Variants in ESR2 observed in about 807,000 individuals in gnomAD.
The protein encoded by ESR2 is estrogen receptor 2.
ESR2 carries 36 observed loss-of-function variants against 49.6 expected under a neutral mutation model. The ratio of observed to expected loss-of-function variants is 0.73; its 90% CI spans 0.56 to 0.96. The LOEUF (loss-of-function observed/expected upper bound fraction) is 0.96. ESR2 is among the 40% of genes least tolerant of loss of function. The probability of loss-of-function intolerance (pLI) is 0.00; values close to 1 mark genes in which losing one functional copy is unlikely to be tolerated. For synonymous variants in ESR2, 320 were observed against 266.1 expected (o/e 1.20, Z -1.97); for missense variants, 714 against 693.0 (o/e 1.03, Z -0.34).
intron 3 of ESR2, among the ~76,000 whole-genome samples, chr14:64,276,460 G>A (rs1245595893): frequency 3.9e-5 from 6 of 152,100 alleles, no homozygotes; most frequent in African/African-American, 1.4e-4. Flanking sequence ...TTTTTGATAA[G>A]AGTCAATGCT....
At chr14:64,325,443 A>C (rs1464597347) in intron 1 of ESR2, among the ~76,000 whole-genome samples, 1 of 152,162 alleles carries the variant, frequency 6.6e-6, no homozygotes, top group South Asian at 2.1e-4. Context: ...AGAGTTTTTT[A>C]AGAGAATGGA....
At chr14:64,332,866 C>T in intron 1 of ESR2, among the ~76,000 whole-genome samples, 1 of 146,766 alleles carries the variant, frequency 6.8e-6, no homozygotes, top group South Asian at 2.2e-4. Flanking sequence ...ACCAGATAAT[C>T]ACAAATCTTT....
At chr14:64,320,017 A>G (rs2077306702) in intron 1 of ESR2, among the ~76,000 whole-genome samples, 1 of 152,206 alleles carries the variant, frequency 6.6e-6, no homozygotes, top group African/African-American at 2.4e-5. Flanking sequence ...ATTGTCAAAA[A>G]TTGGAAGCAA....
chr14:64,320,312 T>C (rs550619872), intron 1 of ESR2, among the ~76,000 whole-genome samples: 1 of 152,084 alleles, frequency 6.6e-6, no homozygotes, highest in African/African-American at 2.4e-5. Flanking sequence ...ACACCTGTAG[T>C]CCCAGCTACT....
chr14:64,296,763 G>A (rs1025723719), upstream of ESR2, among the ~76,000 whole-genome samples: 1 of 152,208 alleles, frequency 6.6e-6, no homozygotes, highest in African/African-American at 2.4e-5. Flanking sequence ...TTTCAGAGCA[G>A]CTCAAACACC....
chr14:64,278,052 T>C (rs1298682347), intron 3 of ESR2, among the ~76,000 whole-genome samples: 1 of 151,946 alleles, frequency 6.6e-6, no homozygotes, highest in Admixed American at 6.6e-5. Context: ...AGGGGTAAAA[T>C]CCTAGAAACT....
Position 64,235,056 on chromosome 14 carries a change from C to G in ESR2, c.1320G>C (p.Val440=). The G allele has an allele frequency of 6.2e-7, 1 of 1,614,228 alleles. No homozygotes were observed. The highest frequency in any genetic ancestry group is 8.5e-7 in the Non-Finnish European group (1 of 1,180,040). Residue 440 remains valine (V), a synonymous_variant, in exon 8 of 9, where the codon GTG becomes GTC. Transcript: ENST00000341099. The stretch of plus-strand genomic sequence containing the variant: ...GGGAGGAGATGCCGCTCTTGGCAAT[C>G]ACCCAAACCAAAGCATCGGTCACGG... The part of the protein sequence containing the change: ...LNAVTDALVW[V]IAKSGISSQQ...
chr14:64,289,908 T>C (rs2076844075), intron 1 of ESR2, among the ~76,000 whole-genome samples: 1 of 152,188 alleles, frequency 6.6e-6, no homozygotes, highest in Non-Finnish European at 1.5e-5. Flanking sequence ...CATCACACTT[T>C]CCCAAGCATT....
chr14:64,317,095 T>C (rs571981332), intron 1 of ESR2, among the ~76,000 whole-genome samples: 3 of 152,106 alleles, frequency 2.0e-5, no homozygotes, highest in East Asian at 3.9e-4. Context: ...TGAAACCCCA[T>C]GTCTACCAAA....
At chr14:64,253,602 G>GTA (rs763274235) in intron 6 of ESR2, among the ~76,000 whole-genome samples, 8,314 of 121,876 alleles carry the variant, frequency 0.068, 233 homozygotes, top group African/African-American at 0.11. Context: ...GTGTGTGTGT[G>GTA]TGTATGTATG....
At chr14:64,265,287 G>C (rs1033318640) in intron 4 of ESR2, among the ~76,000 whole-genome samples, 3 of 152,164 alleles carry the variant, frequency 2.0e-5, no homozygotes, top group Non-Finnish European at 4.4e-5. Flanking sequence ...AGTGATAAAT[G>C]ACACTAAATG....
At chr14:64,290,943 G>A (rs913322730) in intron 1 of ESR2, among the ~76,000 whole-genome samples, 1 of 152,116 alleles carries the variant, frequency 6.6e-6, no homozygotes, top group African/African-American at 2.4e-5. Context: ...GTTTGAATAG[G>A]GTAGGAGGAC....
intron 3 of ESR2, among the ~76,000 whole-genome samples, chr14:64,279,422 A>C (rs2076621192): frequency 6.6e-6 from 1 of 152,210 alleles, no homozygotes; most frequent in African/African-American, 2.4e-5. Flanking sequence ...GTTTAGAGAA[A>C]GTTAGGGAAA....
chr14:64,260,496 G>A lies in ESR2; in HGVS notation c.905C>T (p.Ala302Val), dbSNP rs868305168. ...ASMMMSLTKL[A>V]DKELVHMISW... is the part of the protein sequence containing the mutation. ...GATCATGTGTACCAACTCCTTGTCG[G>A]CCAACTTGGTCAGGGACATCATCAT... is the stretch of plus-strand genomic sequence containing the variant. Residue 302 changes from alanine to valine, a missense_variant, in exon 5 of 9, where the codon GCC becomes GTC. Transcript: ENST00000341099. The A allele has an allele frequency of 6.5e-7, 1 of 1,533,244 alleles. No individual in the cohort carries two copies. 95.0% of individuals were successfully genotyped at this position (1,533,244 alleles called of 1,614,324 possible). A position where few individuals can be genotyped will look rare whatever the true frequency, so the allele number is the denominator to read the frequency against.
At position 64,268,927 on chromosome 14, in the gene ESR2, A is replaced by AG. The variant is rs1410964601; in HGVS notation, c.536-17dup. On this transcript the variant is annotated splice_polypyrimidine_tract_variant and intron_variant, in intron 3 of 8. Coordinates refer to ENST00000341099, the MANE Select transcript of ESR2 (RefSeq NM_001437.3). ...TCATTATGTCCTATAGCAGAGTGGG[A>AG]GGGAAAAAAAGATTATTGCTATGAT... The AG allele has an allele frequency of 4.4e-6, 6 of 1,377,606 alleles. No individual in the cohort carries two copies. The highest frequency in any genetic ancestry group is 1.8e-4 in the Middle Eastern group (1 of 5,550). The allele number at this position is 1,377,606 out of a possible 1,614,324, so 85.3% of individuals were successfully genotyped here. A position where few individuals can be genotyped will look rare whatever the true frequency, so the allele number is the denominator to read the frequency against.
At chr14:64,234,770 G>C (rs572382017) in intron 8 of ESR2, 200 bp downstream of exon 8, 5 of 1,226,038 alleles carry the variant, frequency 4.1e-6, no homozygotes, top group Admixed American at 2.8e-5. Context: ...TGCAGAGCCT[G>C]TAAGATACCA....
At chr14:64,285,781 C>T (rs574738170) in intron 1 of ESR2, among the ~76,000 whole-genome samples, 3 of 141,562 alleles carry the variant, frequency 2.1e-5, no homozygotes, top group Non-Finnish European at 4.5e-5. Flanking sequence ...AAGCTGAGAT[C>T]GTGCCACTGC....
At chr14:64,316,862 T>C (rs1567799550) in intron 1 of ESR2, among the ~76,000 whole-genome samples, 1 of 152,162 alleles carries the variant, frequency 6.6e-6, no homozygotes, top group Non-Finnish European at 1.5e-5. Flanking sequence ...CATGAATATA[T>C]ACAAAAATCC....
intron 4 of ESR2, among the ~76,000 whole-genome samples, chr14:64,267,677 C>T (rs914207559): frequency 7.3e-5 from 11 of 151,494 alleles, no homozygotes; most frequent in African/African-American, 2.4e-4. Flanking sequence ...GAGATCGAGA[C>T]CATCCTGGCT....
Sources: gnomAD v4.1 joint callset for allele counts (sites outside exome capture counted in the v4.1 genomes callset) on GRCh38, gnomAD v4.1.1 for gene constraint, MANE v1.5 for transcripts, NCBI Gene and HGNC (gene_info 2026-07-23, HGNC 2026-07-21) for gene names.